The following RABGAP1L variants were observed in gnomAD, a reference collection of about 807,000 sequenced individuals.
RABGAP1L encodes the protein RAB GTPase activating protein 1 like, also known as rab GTPase-activating protein 1-like.
Under a neutral mutation model 137.7 loss-of-function variants are expected in RABGAP1L, and 63 were observed. The ratio of observed to expected loss-of-function variants is 0.46; its 90% CI spans 0.37 to 0.56. RABGAP1L has a LOEUF of 0.56. Ranked by LOEUF, RABGAP1L falls within the 20% of genes least tolerant of loss-of-function variation. RABGAP1L has a pLI of 0.00. For synonymous variants in RABGAP1L, 431 were observed against 433.7 expected, an observed-to-expected ratio of 0.99 and a Z score of 0.08; for missense variants, 1,095 against 1,244.0, an observed-to-expected ratio of 0.88 and a Z score of 1.80.
chr1:174,716,429 G>A (rs928172018), intron 17 of RABGAP1L, among the ~76,000 whole-genome samples: 12 of 152,190 alleles, frequency 7.9e-5, no homozygotes, highest in African/African-American at 2.9e-4. Context: ...CTGCAGGTAT[G>A]CGCCACTGTA....
chr1:174,301,290 C>T (rs996648108), intron 10 of RABGAP1L, among the ~76,000 whole-genome samples: 2 of 151,338 alleles, frequency 1.3e-5, no homozygotes, highest in African/African-American at 2.4e-5. Context: ...GGTGCTGTGA[C>T]TCCGAAGCCC....
intron 11 of RABGAP1L, among the ~76,000 whole-genome samples, chr1:174,339,891 G>C (rs1681821168): frequency 6.6e-6 from 1 of 152,136 alleles, no homozygotes; most frequent in South Asian, 2.1e-4. Flanking sequence ...ACAGGTGTGA[G>C]CCACCGCACC....
chr1:174,659,132 C>A (rs1370599225), intron 14 of RABGAP1L, among the ~76,000 whole-genome samples: 1 of 151,764 alleles, frequency 6.6e-6, no homozygotes, highest in Admixed American at 6.6e-5. Context: ...GCCATTTAGT[C>A]AGCACATCCC....
intron 10 of RABGAP1L, among the ~76,000 whole-genome samples, chr1:174,299,029 T>C (rs1677402703): frequency 6.6e-6 from 1 of 152,252 alleles, no homozygotes; most frequent in African/African-American, 2.4e-5. Context: ...AAACGTGATT[T>C]CTCTCTGTCT....
chr1:174,535,772 A>AGGCTATG (rs1165435577), intron 13 of RABGAP1L, among the ~76,000 whole-genome samples: 4 of 152,232 alleles, frequency 2.6e-5, no homozygotes, highest in Non-Finnish European at 4.4e-5. Flanking sequence ...CACTGACAAC[A>AGGCTATG]GGCTATCAGC....
chr1:174,343,347 A>T (rs927017809), intron 11 of RABGAP1L, among the ~76,000 whole-genome samples: 1 of 152,186 alleles, frequency 6.6e-6, no homozygotes, highest in Non-Finnish European at 1.5e-5. Flanking sequence ...CTGTTTTTGT[A>T]TAGGTAGTAC....
At chr1:174,165,342 G>A (rs147541706) in intron 1 of RABGAP1L, among the ~76,000 whole-genome samples, 229 of 152,212 alleles carry the variant, frequency 1.5e-3, no homozygotes, top group African/African-American at 5.0e-3. Context: ...TACAGACGGG[G>A]TTTCGCCATG....
intron 13 of RABGAP1L, among the ~76,000 whole-genome samples, chr1:174,567,381 T>G (rs1251918508): frequency 6.6e-6 from 1 of 152,238 alleles, no homozygotes; most frequent in Non-Finnish European, 1.5e-5. Context: ...AATATTATTC[T>G]GTTATATGTG....
At chr1:174,537,279 A>G (rs1254836489) in intron 13 of RABGAP1L, among the ~76,000 whole-genome samples, 3 of 152,200 alleles carry the variant, frequency 2.0e-5, no homozygotes, top group Non-Finnish European at 4.4e-5. Context: ...AAAGTAGCTT[A>G]ACAGAATTTG....
chr1:174,197,101 T>TC (rs1178435725), intron 1 of RABGAP1L, among the ~76,000 whole-genome samples: 1 of 152,232 alleles, frequency 6.6e-6, no homozygotes, highest in African/African-American at 2.4e-5. Context: ...TTTATTTAGC[T>TC]TTTTAAAATG....
intron 13 of RABGAP1L, among the ~76,000 whole-genome samples, chr1:174,546,627 A>C (rs2147962312): frequency 6.6e-6 from 1 of 152,354 alleles, no homozygotes; most frequent in South Asian, 2.1e-4. Flanking sequence ...TGCCTCTTTC[A>C]GTCCTTGCTA....
intron 4 of RABGAP1L, among the ~76,000 whole-genome samples, chr1:174,237,657 CT>C (rs1287202133): frequency 1.7e-4 from 4 of 23,228 alleles, no homozygotes; most frequent in Non-Finnish European, 2.3e-4. Flanking sequence ...GTCTGATGGG[CT>C]TCCCTTTGAG....
chr1:174,981,400 C>T (rs1671090887), intron 23 of RABGAP1L, among the ~76,000 whole-genome samples: 2 of 152,120 alleles, frequency 1.3e-5, no homozygotes. Flanking sequence ...ACTCAACAAA[C>T]TAAACTCAGC....
At chr1:174,520,979 G>T (rs534573124) in intron 13 of RABGAP1L, among the ~76,000 whole-genome samples, 2 of 152,108 alleles carry the variant, frequency 1.3e-5, no homozygotes, top group Non-Finnish European at 2.9e-5. Flanking sequence ...CCAGCGTGGC[G>T]ACATAGCGAG....
At chr1:174,355,462 G>T (rs1056137681) in intron 11 of RABGAP1L, among the ~76,000 whole-genome samples, 1 of 134,418 alleles carries the variant, frequency 7.4e-6, no homozygotes, top group African/African-American at 3.2e-5. Flanking sequence ...GGGGACTGTT[G>T]TGGGGTGGGG....
At chr1:174,770,040 T>G (rs1445560388) in intron 18 of RABGAP1L, among the ~76,000 whole-genome samples, 1 of 152,148 alleles carries the variant, frequency 6.6e-6, no homozygotes, top group Non-Finnish European at 1.5e-5. Flanking sequence ...AATAGAAGTC[T>G]AAACACCTGA....
intron 19 of RABGAP1L, among the ~76,000 whole-genome samples, chr1:174,863,604 C>T (rs1421146015): frequency 1.3e-5 from 2 of 149,598 alleles, no homozygotes; most frequent in Non-Finnish European, 3.0e-5. Flanking sequence ...ACCCGGGAGG[C>T]GGAGCTTGCA....
chr1:174,475,181 G>C (rs990136795), intron 13 of RABGAP1L, among the ~76,000 whole-genome samples: 2 of 152,092 alleles, frequency 1.3e-5, no homozygotes, highest in African/African-American at 4.8e-5. Context: ...TTCGGGTTTA[G>C]TAGGTCTGAG....
intron 17 of RABGAP1L, among the ~76,000 whole-genome samples, chr1:174,720,311 T>TG (rs1344097641): frequency 7.8e-6 from 1 of 128,304 alleles, no homozygotes; most frequent in African/African-American, 3.3e-5. Context: ...ATAGTTGGTT[T>TG]TTTTTTTTTT....
Sources: allele counts gnomAD v4.1 joint callset (sites outside exome capture counted in the v4.1 genomes callset), GRCh38; gene constraint gnomAD v4.1.1; transcripts MANE v1.5; gene names NCBI Gene and HGNC (gene_info 2026-07-23, HGNC 2026-07-21).